Variants in SPAST observed in about 807,000 individuals in gnomAD.
SPAST encodes the protein spastic paraplegia 4 (autosomal dominant; spastin).
A neutral mutation model predicts 76.6 loss-of-function variants in SPAST; 30 were observed. That is an observed-to-expected ratio of 0.39 (90% CI 0.29 to 0.53). The LOEUF (loss-of-function observed/expected upper bound fraction) is 0.53. SPAST is among the 20% of genes least tolerant of loss of function. The pLI is 0.68. For missense variants in SPAST, 717 were observed against 770.5 expected, an observed-to-expected ratio of 0.93 and a Z score of 0.82; for synonymous variants, 305 against 281.0, an observed-to-expected ratio of 1.09 and a Z score of -0.86.
At chr2:32,098,685 C>A in intron 3 of SPAST, 111 bp from the exon 4 acceptor site, 1 of 682,124 alleles carries the variant, frequency 1.5e-6, no homozygotes, top group Non-Finnish European at 2.6e-6. Flanking sequence ...TATCATGTAA[C>A]AATCTGGTAA....
intron 4 of SPAST, among the ~76,000 whole-genome samples, chr2:32,102,468 TCCTGCCTGATTG>T (rs1339427334): frequency 1.3e-5 from 2 of 152,184 alleles, no homozygotes; most frequent in Admixed American, 1.3e-4. Context: ...TATTTCTTTC[TCCTGCCTGATTG>T]CCCTGGCCAG....
At chr2:32,134,844 C>T (rs1317814082) in intron 9 of SPAST, among the ~76,000 whole-genome samples, 4 of 149,204 alleles carry the variant, frequency 2.7e-5, no homozygotes, top group South Asian at 2.1e-4. Flanking sequence ...TACAGGCATG[C>T]GCCACCACGC....
At chr2:32,124,333 C>T (rs1468112245) in intron 7 of SPAST, among the ~76,000 whole-genome samples, 2 of 152,136 alleles carry the variant, frequency 1.3e-5, no homozygotes, top group Non-Finnish European at 2.9e-5. Context: ...CCTGCCATCC[C>T]TATTAGAATG....
At chr2:32,104,811 C>G (rs2148722555) in intron 4 of SPAST, among the ~76,000 whole-genome samples, 1 of 152,260 alleles carries the variant, frequency 6.6e-6, no homozygotes, top group Non-Finnish European at 1.5e-5. Context: ...GAGTTTCTGC[C>G]AAGAGATCAG....
chr2:32,095,129 C>T (rs1381219268), intron 3 of SPAST, among the ~76,000 whole-genome samples: 1 of 152,140 alleles, frequency 6.6e-6, no homozygotes, highest in Non-Finnish European at 1.5e-5. Context: ...GTGATAGAGG[C>T]TTGCACCAGG....
intron 1 of SPAST, among the ~76,000 whole-genome samples, chr2:32,078,867 T>A (rs1677083214): frequency 1.3e-5 from 2 of 152,176 alleles, no homozygotes; most frequent in South Asian, 4.1e-4. Context: ...TTCCTTGTGT[T>A]TTTTCAGTTT....
chr2:32,108,159 T>C lies in SPAST; in HGVS notation c.683-6479T>C, dbSNP rs77250322. 5.1e-3 allele frequency among the ~76,000 whole-genome samples: 780 copies of C among 152,224 alleles called. 8 individuals carry two copies. Among genetic ancestry groups the C allele is most frequent in the African/African-American group, 0.017 (712 of 41,506 alleles). On this transcript the variant is annotated intron_variant, in intron 4 of 16. Transcript: ENST00000315285. The stretch of plus-strand genomic sequence containing the variant: ...TTTAAAGAATTGAAAGAAAATATGG[T>C]ATCAGTTAAACAGGAAATCTAAGTA...
In SPAST at chr2:32,063,691, C is replaced by A. The variant is rs1346034342; in HGVS notation, c.-141C>A. Reference sequence around the variant, plus strand: ...AGAAAGGGGCGGGGCCGGCGGGCAGCGTGCGGCAGTGCGGAGCTCCTGAGA... The same window carrying A: ...AGAAAGGGGCGGGGCCGGCGGGCAGAGTGCGGCAGTGCGGAGCTCCTGAGA... On this transcript the variant is annotated 5_prime_UTR_variant, in exon 1 of 17. Coordinates refer to ENST00000315285, the MANE Select transcript of SPAST (RefSeq NM_014946.4). 5 of 1,103,274 alleles carry A rather than the reference C, an allele frequency of 4.5e-6. No homozygotes were observed. Among genetic ancestry groups the A allele is most frequent in the East Asian group, 2.7e-5 (1 of 37,026 alleles). 68.3% of individuals were successfully genotyped at this position (1,103,274 alleles called of 1,614,324 possible).
chr2:32,069,152 G>A (rs577544280), intron 1 of SPAST, among the ~76,000 whole-genome samples: 1 of 136,174 alleles, frequency 7.3e-6, no homozygotes, highest in Non-Finnish European at 1.6e-5. Flanking sequence ...GGTGGAGATT[G>A]CGGTGGGCCA....
chr2:32,133,074 ATAT>A (rs1404673102), intron 9 of SPAST, among the ~76,000 whole-genome samples: 1 of 152,052 alleles, frequency 6.6e-6, no homozygotes, highest in Non-Finnish European at 1.5e-5. Flanking sequence ...GCATTGTGTA[ATAT>A]TATGTAGATG....
intron 9 of SPAST, among the ~76,000 whole-genome samples, chr2:32,130,956 G>T (rs1679352114): frequency 6.6e-6 from 1 of 152,190 alleles, no homozygotes; most frequent in South Asian, 2.1e-4. Context: ...CTATAGACAT[G>T]TATGGGAAAC....
intron 16 of SPAST, among the ~76,000 whole-genome samples, chr2:32,151,253 C>T (rs937996772): frequency 5.9e-5 from 9 of 152,034 alleles, no homozygotes; most frequent in Admixed American, 4.6e-4. Context: ...CTACTATATA[C>T]TTTCATTCAG....
intron 9 of SPAST, among the ~76,000 whole-genome samples, chr2:32,132,910 G>A (rs1360556206): frequency 1.3e-5 from 2 of 152,176 alleles, no homozygotes; most frequent in Non-Finnish European, 2.9e-5. Flanking sequence ...GCTGGGCATT[G>A]TGGCACATGC....
At chr2:32,119,741 T>C (rs1223929613) in intron 7 of SPAST, among the ~76,000 whole-genome samples, 3 of 152,176 alleles carry the variant, frequency 2.0e-5, no homozygotes, top group African/African-American at 7.2e-5. Context: ...ACATGCCCTC[T>C]CCTCTCGCCC....
At chr2:32,093,136 C>A (rs1677787136) in intron 3 of SPAST, among the ~76,000 whole-genome samples, 1 of 151,794 alleles carries the variant, frequency 6.6e-6, no homozygotes, top group African/African-American at 2.4e-5. Context: ...TAGTGAAACC[C>A]CGTCTCTACT....
At chr2:32,147,128 C>A (rs1679912585) in intron 15 of SPAST, 90 bp from the exon 16 acceptor site, 1 of 817,112 alleles carries the variant, frequency 1.2e-6, no homozygotes, top group Non-Finnish European at 2.2e-6. Flanking sequence ...TGAATAGATA[C>A]ATGTAGATCA....
chr2:32,103,103 T>C (rs988034639), intron 4 of SPAST, among the ~76,000 whole-genome samples: 2 of 152,190 alleles, frequency 1.3e-5, no homozygotes, highest in Non-Finnish European at 2.9e-5. Flanking sequence ...TCCTGGACTT[T>C]TTTTGGTTAG....
chr2:32,142,638 C>T (rs937592469), intron 13 of SPAST, among the ~76,000 whole-genome samples: 6 of 151,918 alleles, frequency 3.9e-5, no homozygotes, highest in Non-Finnish European at 1.5e-5. Flanking sequence ...TGGTGTGATC[C>T]GCCCTCCTCA....
chr2:32,139,263 G>A (rs1009955296), intron 12 of SPAST, among the ~76,000 whole-genome samples: 1 of 151,818 alleles, frequency 6.6e-6, no homozygotes. Context: ...GTCATTTTAC[G>A]ACCAGATAAA....
Sources: allele counts gnomAD v4.1 joint callset (sites outside exome capture counted in the v4.1 genomes callset), GRCh38; gene constraint gnomAD v4.1.1; transcripts MANE v1.5; gene names NCBI Gene and HGNC (gene_info 2026-07-23, HGNC 2026-07-21).